CELF1: variants seen among roughly 807,000 people sequenced by gnomAD.
CELF1 encodes the protein CUGBP Elav-like family member 1, also known as 50 kDa nuclear polyadenylated RNA-binding protein.
Under a neutral mutation model 61.8 loss-of-function variants are expected in CELF1, and 10 were observed. The ratio of observed to expected loss-of-function variants is 0.16; its 90% CI spans 0.10 to 0.27. The LOEUF is 0.27. Among genes scored for constraint, CELF1 ranks in the 10% least tolerant of loss-of-function variants. The pLI is 1.00. For missense variants in CELF1, 380 were observed against 639.1 expected (o/e 0.59, Z 4.37); for synonymous variants, 236 against 225.1 (o/e 1.05, Z -0.43).
At chr11:47,477,944 AGAG>A (rs2081002009) in intron 10 of CELF1, among the ~76,000 whole-genome samples, 1 of 152,334 alleles carries the variant, frequency 6.6e-6, no homozygotes, top group Middle Eastern at 3.4e-3. Flanking sequence ...ATCACCAGAA[AGAG>A]GAGAGAGGAA....
At chr11:47,473,315 G>T in intron 13 of CELF1, 84 bp from the exon 14 acceptor site, 1 of 1,274,142 alleles carries the variant, frequency 7.8e-7, no homozygotes, top group Non-Finnish European at 1.1e-6. Flanking sequence ...TTCCACCTAT[G>T]TTAAAACTGT....
intron 3 of CELF1, among the ~76,000 whole-genome samples, chr11:47,495,157 G>A (rs1424264133): frequency 6.6e-6 from 1 of 152,270 alleles, no homozygotes; most frequent in African/African-American, 2.4e-5. Context: ...GAAGTCAGAA[G>A]TGGAAAAGTT....
intron 1 of CELF1, among the ~76,000 whole-genome samples, chr11:47,512,412 C>CA (rs1452060162): frequency 6.6e-6 from 1 of 151,336 alleles, no homozygotes; most frequent in Non-Finnish European, 1.5e-5. Context: ...CTTGGCCTCC[C>CA]AAAGTGCTGG....
intron 1 of CELF1, among the ~76,000 whole-genome samples, chr11:47,519,135 T>G (rs2095717633): frequency 6.6e-6 from 1 of 152,192 alleles, no homozygotes; most frequent in Non-Finnish European, 1.5e-5. Context: ...CAGCAAAGCT[T>G]GATTCACCCT....
At chr11:47,504,927 A>G (rs1360189754) in intron 1 of CELF1, among the ~76,000 whole-genome samples, 1 of 148,990 alleles carries the variant, frequency 6.7e-6, no homozygotes, top group Non-Finnish European at 1.5e-5. Context: ...AAAAATTTCC[A>G]TTTCAAATCT....
At chr11:47,510,587 A>G (rs1345111946) in intron 1 of CELF1, among the ~76,000 whole-genome samples, 1 of 152,134 alleles carries the variant, frequency 6.6e-6, no homozygotes, top group Admixed American at 6.5e-5. Flanking sequence ...CCTGGGCTCA[A>G]GCAATCCTCC....
At chr11:47,558,336 T>A (rs2097212071) in intron 2 of CELF1, among the ~76,000 whole-genome samples, 1 of 150,018 alleles carries the variant, frequency 6.7e-6, no homozygotes, top group Admixed American at 6.8e-5. Flanking sequence ...TTCCTATGAG[T>A]GTTTTATATA....
At chr11:47,556,882 A>G (rs879936371), upstream of CELF1, among the ~76,000 whole-genome samples, 2 of 152,040 alleles carry the variant, frequency 1.3e-5, no homozygotes, top group African/African-American at 4.8e-5. Flanking sequence ...CCCTGTCTCT[A>G]TTTGGTTATT....
At chr11:47,477,942 A>G (rs1344024212) in intron 10 of CELF1, among the ~76,000 whole-genome samples, 1 of 152,182 alleles carries the variant, frequency 6.6e-6, no homozygotes. Context: ...TCATCACCAG[A>G]AAGAGGAGAG....
At chr11:47,555,725 C>T (rs762812995), upstream of CELF1, among the ~76,000 whole-genome samples, 1 of 152,086 alleles carries the variant, frequency 6.6e-6, no homozygotes, top group Non-Finnish European at 1.5e-5. Flanking sequence ...TAGCCAATGT[C>T]GGCCAGGCGC....
At chr11:47,479,420 T>C (rs1398581701) in intron 9 of CELF1, among the ~76,000 whole-genome samples, 1 of 152,238 alleles carries the variant, frequency 6.6e-6, no homozygotes, top group Non-Finnish European at 1.5e-5. Flanking sequence ...ATTTTAAATA[T>C]CAAATCTAAA....
At chr11:47,521,476 T>C (rs565512818) in intron 1 of CELF1, among the ~76,000 whole-genome samples, 1 of 152,356 alleles carries the variant, frequency 6.6e-6, no homozygotes, top group African/African-American at 2.4e-5. Flanking sequence ...GTCATACCAC[T>C]GCTTTCTAAT....
At chr11:47,490,163 T>C (rs1346788432) in intron 3 of CELF1, among the ~76,000 whole-genome samples, 1 of 151,700 alleles carries the variant, frequency 6.6e-6, no homozygotes, top group African/African-American at 2.4e-5. Context: ...AGTCTCGAAC[T>C]GACCTCAGGT....
chr11:47,473,910 T>C (rs763739625), intron 13 of CELF1, among the ~76,000 whole-genome samples: 99 of 91,028 alleles, frequency 1.1e-3, no homozygotes, highest in Non-Finnish European at 1.7e-3. Flanking sequence ...TCTTTTTTTT[T>C]CTTTCTTTTT....
chr11:47,522,863 A>C (rs1385421702), intron 1 of CELF1, among the ~76,000 whole-genome samples: 3 of 152,008 alleles, frequency 2.0e-5, no homozygotes, highest in African/African-American at 7.2e-5. Flanking sequence ...GAAGTAATAA[A>C]ATAGGCTTCA....
intron 1 of CELF1, among the ~76,000 whole-genome samples, chr11:47,514,487 T>G (rs982528979): frequency 6.6e-6 from 1 of 151,868 alleles, no homozygotes; most frequent in Non-Finnish European, 1.5e-5. Context: ...AAACCAGAGG[T>G]CGTCTCACCT....
chr11:47,520,033 A>G (rs1285874953), intron 1 of CELF1, among the ~76,000 whole-genome samples: 1 of 151,218 alleles, frequency 6.6e-6, no homozygotes, highest in Non-Finnish European at 1.5e-5. Context: ...CAGGAGATCT[A>G]TCAATCAAAA....
intron 1 of CELF1, among the ~76,000 whole-genome samples, chr11:47,538,346 T>C (rs2096682009): frequency 6.6e-6 from 1 of 152,230 alleles, no homozygotes; most frequent in South Asian, 2.1e-4. Context: ...CCAGGTTGTA[T>C]ATAAATCTCC....
At chr11:47,562,280 C>T (rs2097228412) in intron 2 of CELF1, among the ~76,000 whole-genome samples, 1 of 149,872 alleles carries the variant, frequency 6.7e-6, no homozygotes, top group South Asian at 2.1e-4. Context: ...AATGCCAGCA[C>T]TTAGAGAGGC....
Sources: allele counts gnomAD v4.1 joint callset (sites outside exome capture counted in the v4.1 genomes callset), GRCh38; gene constraint gnomAD v4.1.1; transcripts MANE v1.5; gene names NCBI Gene and HGNC (gene_info 2026-07-23, HGNC 2026-07-21).